Variants in DLG5 observed in about 807,000 individuals in gnomAD.
DLG5 encodes disks large homolog 5.
Under a neutral mutation model 189.8 loss-of-function variants are expected in DLG5, and 48 were observed. The ratio of observed to expected loss-of-function variants is 0.25; its 90% CI spans 0.20 to 0.32. The LOEUF (loss-of-function observed/expected upper bound fraction) is 0.32, where lower values mean the gene tolerates loss of function less well. Among genes scored for constraint, DLG5 ranks in the 10% least tolerant of loss-of-function variants. DLG5 has a pLI of 1.00. For missense variants in DLG5, 2,160 were observed against 2,544.7 expected (o/e 0.85, Z 3.25); for synonymous variants, 1,016 against 1,054.1 (o/e 0.96, Z 0.70).
chr10:77,913,574 G>A (rs932399033), intron 1 of DLG5, among the ~76,000 whole-genome samples: 1 of 152,108 alleles, frequency 6.6e-6, no homozygotes, highest in Non-Finnish European at 1.5e-5. Context: ...TCTTCCACAT[G>A]TGTGAATGTC....
intron 13 of DLG5, 171 bp from the exon 14 acceptor site, chr10:77,824,647 C>G: frequency 3.5e-6 from 2 of 575,614 alleles, no homozygotes; most frequent in Non-Finnish European, 6.1e-6. Flanking sequence ...AGGAGTCCAA[C>G]TAAGGGGATT....
chr10:77,923,072 C>G (rs1019797095), intron 1 of DLG5, among the ~76,000 whole-genome samples: 5 of 152,252 alleles, frequency 3.3e-5, no homozygotes, highest in African/African-American at 1.2e-4. Flanking sequence ...GGAGCCCACA[C>G]AGGGTGTGGA....
At chr10:77,853,238 G>A in intron 5 of DLG5, 116 bp downstream of exon 5, 1 of 995,588 alleles carries the variant, frequency 1.0e-6, no homozygotes, top group South Asian at 3.6e-5. Context: ...AAAGCGCTGG[G>A]ATCACAGATG....
Position 77,821,675 on chromosome 10 carries a change from C to T in DLG5, c.2809G>A (p.Asp937Asn), listed in dbSNP as rs769298510. 2 of 1,612,964 alleles carry T rather than the reference C, an allele frequency of 1.2e-6. No homozygotes were observed. The highest frequency in any genetic ancestry group is 1.7e-6 in the Non-Finnish European group (2 of 1,179,864). The part of the protein sequence containing the change: ...GVGEASLDKA[D>N]SEGSNSGGTW... ...CCGCCGCTGTTGGAGCCTTCAGAGTCTGCCTTGTCCAGGGAGGCCTCCCCA... is the reference window on the plus strand; with the variant it reads ...CCGCCGCTGTTGGAGCCTTCAGAGTTTGCCTTGTCCAGGGAGGCCTCCCCA... The change falls in exon 15 of 32, where the codon GAC becomes AAC. Residue 937 changes from aspartate (D) to asparagine (N), a missense_variant. By Grantham distance (23) the Asp-to-Asn change is conservative (BLOSUM62 1). This residue lies in a region of DLG5 where 754 missense variants were observed against 746.5 expected (regional missense o/e 1.01). Coordinates refer to ENST00000372391, the MANE Select transcript of DLG5 (RefSeq NM_004747.4).
intron 1 of DLG5, among the ~76,000 whole-genome samples, chr10:77,886,172 G>C (rs749564318): frequency 6.6e-6 from 1 of 152,102 alleles, no homozygotes; most frequent in Non-Finnish European, 1.5e-5. Context: ...CTATCCCCAG[G>C]AATCAGCACC....
At chr10:77,853,766 A>G (rs1241028793) in intron 4 of DLG5, among the ~76,000 whole-genome samples, 2 of 152,236 alleles carry the variant, frequency 1.3e-5, no homozygotes, top group Non-Finnish European at 2.9e-5. Flanking sequence ...GGGCACATGT[A>G]TCTCCAGGGA....
At chr10:77,851,624 G>A (rs1589216582) in intron 5 of DLG5, among the ~76,000 whole-genome samples, 1 of 152,168 alleles carries the variant, frequency 6.6e-6, no homozygotes, top group Admixed American at 6.5e-5. Flanking sequence ...TAATCAGAGG[G>A]CACATAAAAA....
At chr10:77,797,815 G>T (rs1376645873) in intron 27 of DLG5, among the ~76,000 whole-genome samples, 1 of 152,186 alleles carries the variant, frequency 6.6e-6, no homozygotes, top group Non-Finnish European at 1.5e-5. Flanking sequence ...GCTCCATGAA[G>T]AGCAACCTGT....
chr10:77,869,123 A>G lies in DLG5; in HGVS notation c.373+6T>C. The stretch of plus-strand genomic sequence containing the variant: ...CCCGGTGTCCTCCCCAGACAGTGGT[A>G]CTCACCCACACTGCTGAGGGAGCTG... On this transcript the variant is annotated splice_donor_region_variant and intron_variant, in intron 2 of 31. Coordinates refer to ENST00000372391, the MANE Select transcript of DLG5 (RefSeq NM_004747.4). The G allele has an allele frequency of 6.2e-7, 1 of 1,613,026 alleles. No homozygotes were observed. Among genetic ancestry groups the G allele is most frequent in the Non-Finnish European group, 8.5e-7 (1 of 1,179,396 alleles).
In DLG5 at chr10:77,835,784, C is replaced by T; in HGVS notation, c.1576G>A (p.Ala526Thr). The change falls in exon 8 of 32, where the codon GCC (alanine) becomes ACC (threonine). Residue 526 changes from alanine (A) to threonine (T), a missense_variant. By Grantham distance (58) the Ala-to-Thr change is moderately conservative. This residue lies in a region of DLG5 where 664 missense variants were observed against 838.5 expected (regional missense o/e 0.79). Coordinates refer to ENST00000372391, the MANE Select transcript of DLG5 (RefSeq NM_004747.4). ...ADVAKCRRDW[A>T]FQERDKIVAE... is the part of the protein sequence containing the mutation. ...ACAATCTTGTCTCGCTCCTGGAAGG[C>T]CCAGTCCCGCCGGCACTTGGCCACA... 1.9e-6 allele frequency: 3 copies of T among 1,613,814 alleles called. No individual in the cohort carries two copies. Among genetic ancestry groups the T allele is most frequent in the Non-Finnish European group, 2.5e-6 (3 of 1,179,958 alleles).
At position 77,909,205 on chromosome 10, in the gene DLG5, T is replaced by C. The variant is rs573009039; in HGVS notation, c.304+17012A>G. 5.9e-5 allele frequency among the ~76,000 whole-genome samples: 9 copies of C among 152,242 alleles called. No homozygotes were observed. In the East Asian group the frequency reaches 1.7e-3, roughly 29 times the overall value. On this transcript the variant is annotated intron_variant, in intron 1 of 31. Coordinates refer to ENST00000372391, the MANE Select transcript of DLG5 (RefSeq NM_004747.4). ...GTTATCTCATGCAAGGAGAAGACAC[T>C]GTGACCAGCTCCACTGAGTTCTCAT... is the stretch of plus-strand genomic sequence containing the variant.
chr10:77,828,801 C>T (rs1842765226), intron 13 of DLG5, 81 bp downstream of exon 13: 1 of 1,379,628 alleles, frequency 7.2e-7, no homozygotes, highest in Non-Finnish European at 1.0e-6. Context: ...AAAAACTTTG[C>T]TCATTACTTC....
upstream of DLG5, chr10:77,926,822 C>G (rs1846715622): frequency 5.7e-6 from 1 of 174,614 alleles, no homozygotes; most frequent in African/African-American, 2.4e-5. This position sits in a 1 kb window ranked among gnomAD's most constrained non-coding sequence, Gnocchi z 5.2. Context: ...GGCCGGGGCG[C>G]GCCCCGAGGC....
intron 27 of DLG5, among the ~76,000 whole-genome samples, chr10:77,798,696 G>T (rs1256209206): frequency 6.6e-6 from 1 of 152,068 alleles, no homozygotes; most frequent in Non-Finnish European, 1.5e-5. Context: ...GCTCCTTTTG[G>T]GCATCCCATT....
At chr10:77,843,360 A>G (rs1843519866) in intron 6 of DLG5, 87 bp downstream of exon 6, 4 of 1,485,466 alleles carry the variant, frequency 2.7e-6, no homozygotes, top group Admixed American at 2.1e-5. Flanking sequence ...AAAAAGCACA[A>G]TAACTCATGC....
Position 77,792,430 on chromosome 10 carries a change from C to T in DLG5, c.*10G>A, listed in dbSNP as rs1248091202. ...CGGCCAGCTGCAGTCATCCACAGCA[C>T]AGCATTCTCCTAGAGCGGGCAGGCT... On this transcript the variant is annotated 3_prime_UTR_variant, in exon 32 of 32. Coordinates refer to ENST00000372391, the MANE Select transcript of DLG5 (RefSeq NM_004747.4). 4 of 1,613,718 alleles carry T rather than the reference C, an allele frequency of 2.5e-6. No individual in the cohort carries two copies. The highest frequency in any genetic ancestry group is 1.1e-5 in the South Asian group (1 of 91,080).
chr10:77,838,220 G>GC (rs1338518764), intron 7 of DLG5, among the ~76,000 whole-genome samples: 2 of 152,210 alleles, frequency 1.3e-5, no homozygotes, highest in Non-Finnish European at 2.9e-5. Context: ...AGCATGGGGG[G>GC]CTGCCCTTCT....
intron 1 of DLG5, among the ~76,000 whole-genome samples, chr10:77,898,366 T>C (rs1845826510): frequency 6.6e-6 from 1 of 152,174 alleles, no homozygotes; most frequent in Admixed American, 6.5e-5. Flanking sequence ...TAAAAACCTC[T>C]CCACAGAGGG....
intron 20 of DLG5, among the ~76,000 whole-genome samples, chr10:77,813,864 T>C (rs1053838171): frequency 1.2e-4 from 18 of 152,262 alleles, no homozygotes; most frequent in African/African-American, 4.3e-4. Flanking sequence ...TATATTTATC[T>C]GCATCTGCAA....
Sources: allele counts gnomAD v4.1 joint callset (sites outside exome capture counted in the v4.1 genomes callset), GRCh38; gene constraint gnomAD v4.1.1; regional missense constraint gnomAD v4.1.1; non-coding constraint Gnocchi (gnomAD v3.1); transcripts MANE v1.5; gene names NCBI Gene and HGNC (gene_info 2026-07-23, HGNC 2026-07-21).